KCND2: variants seen among roughly 807,000 people sequenced by gnomAD.
KCND2 encodes the protein potassium voltage-gated channel subfamily D member 2, also known as A-type voltage-gated potassium channel KCND2.
Under a neutral mutation model 54.4 loss-of-function variants are expected in KCND2, and 16 were observed. The observed-to-expected ratio is 0.29, with a 90% CI of 0.20 to 0.45. KCND2 has a LOEUF of 0.45. KCND2 is among the 20% of genes least tolerant of loss of function. KCND2 has a pLI of 1.00. For synonymous variants in KCND2, 317 were observed against 310.7 expected (o/e 1.02, Z -0.21); for missense variants, 486 against 824.2 (o/e 0.59, Z 5.02).
intron 1 of KCND2, among the ~76,000 whole-genome samples, chr7:120,462,470 A>G (rs1207725020): frequency 6.6e-6 from 1 of 152,084 alleles, no homozygotes; most frequent in African/African-American, 2.4e-5. Context: ...AGCATATTAA[A>G]GAGCACAGAT....
At chr7:120,520,773 G>A (rs1791681425) in intron 1 of KCND2, among the ~76,000 whole-genome samples, 1 of 152,084 alleles carries the variant, frequency 6.6e-6, no homozygotes, top group African/African-American at 2.4e-5. Flanking sequence ...CATTAGCTAA[G>A]GTAATCCTAG....
chr7:120,658,340 C>G (rs1461769756), intron 1 of KCND2, among the ~76,000 whole-genome samples: 2 of 152,084 alleles, frequency 1.3e-5, no homozygotes, highest in African/African-American at 4.8e-5. Flanking sequence ...GAATAAGCCC[C>G]AAAACATGAA....
chr7:120,653,438 T>C (rs572679739), intron 1 of KCND2, among the ~76,000 whole-genome samples: 2 of 152,164 alleles, frequency 1.3e-5, no homozygotes, highest in Non-Finnish European at 2.9e-5. Flanking sequence ...TCTGGGACTT[T>C]GATAAACGGC....
intron 1 of KCND2, among the ~76,000 whole-genome samples, chr7:120,399,510 C>T (rs1327078813): frequency 1.3e-5 from 2 of 151,898 alleles, no homozygotes; most frequent in Non-Finnish European, 2.9e-5. Context: ...TAACTTCTCT[C>T]TATATAGTAT....
chr7:120,475,254 A>G (rs1359336568), intron 1 of KCND2, among the ~76,000 whole-genome samples: 1 of 152,240 alleles, frequency 6.6e-6, no homozygotes, highest in Non-Finnish European at 1.5e-5. Context: ...AACGTTGAAC[A>G]TAAGCACATA....
chr7:120,339,367 T>C (rs1277113425), intron 1 of KCND2, among the ~76,000 whole-genome samples: 3 of 152,166 alleles, frequency 2.0e-5, no homozygotes, highest in African/African-American at 4.8e-5. Context: ...GCATGCATTG[T>C]TGGATTATAC....
At position 120,716,482 on chromosome 7, in the gene KCND2, C is replaced by T. The variant is rs543810069; in HGVS notation, c.1116-16421C>T. Among the ~76,000 whole-genome samples the T allele has an allele frequency of 3.0e-3, 464 of 152,188 alleles. 2 individuals are homozygous for T. The highest frequency in any genetic ancestry group is 0.011 in the African/African-American group (448 of 41,556). On this transcript the variant is annotated intron_variant, in intron 1 of 5. Coordinates refer to ENST00000331113, the MANE Select transcript of KCND2 (RefSeq NM_012281.3). ...ATCCTCCATTGTGTAGCAGTCAACT[C>T]CTATTTAGTGGTTTGTCTGCTAAGA...
At position 120,664,654 on chromosome 7, in the gene KCND2, A is replaced by G. The variant is rs78932653; in HGVS notation, c.1116-68249A>G. On this transcript the variant is annotated intron_variant, in intron 1 of 5. Transcript: ENST00000331113. ...TGTTATAGGTTTTCAAGCACAAGTA[A>G]AATTATAAGGACATGTGTCAAGGAC... is the stretch of plus-strand genomic sequence containing the variant. Among the ~76,000 whole-genome samples the G allele has an allele frequency of 2.2e-3, 331 of 152,214 alleles. 1 individual carries two copies. Among genetic ancestry groups the G allele is most frequent in the African/African-American group, 7.7e-3 (320 of 41,552 alleles).
chr7:120,287,874 A>G (rs562336920), intron 1 of KCND2, among the ~76,000 whole-genome samples: 52 of 152,248 alleles, frequency 3.4e-4, no homozygotes, highest in African/African-American at 1.2e-3. Flanking sequence ...ACTATGATCT[A>G]CTAGCTAAAG....
rs546219819 is a variant in KCND2 at position 120,711,489 on chromosome 7, C to A, written c.1116-21414C>A. Among the ~76,000 whole-genome samples the A allele has an allele frequency of 9.2e-5, 14 of 151,998 alleles. 1 individual carries two copies. Among genetic ancestry groups the A allele is most frequent in the South Asian group, 2.1e-4 (1 of 4,822 alleles). ...TCAAACTTAAGAAATTCTAGAGGCC[C>A]ACGTTGAAAGATAATATATTCCCTT... On this transcript the variant is annotated intron_variant, in intron 1 of 5. Coordinates refer to ENST00000331113, the MANE Select transcript of KCND2 (RefSeq NM_012281.3).
intron 1 of KCND2, among the ~76,000 whole-genome samples, chr7:120,540,791 C>G (rs969110463): frequency 6.6e-6 from 1 of 151,890 alleles, no homozygotes; most frequent in Admixed American, 6.6e-5. Context: ...TGACTGGTTT[C>G]TTTGAATAGG....
chr7:120,659,849 G>C (rs1791844863), intron 1 of KCND2, among the ~76,000 whole-genome samples: 1 of 152,164 alleles, frequency 6.6e-6, no homozygotes. Context: ...TGTAATTAGT[G>C]TGTTTAGTTG....
intron 1 of KCND2, among the ~76,000 whole-genome samples, chr7:120,351,402 A>ACTCTCT (rs1319611008): frequency 7.2e-6 from 1 of 138,714 alleles, no homozygotes; most frequent in African/African-American, 3.0e-5. Flanking sequence ...ACACACACAC[A>ACTCTCT]CACACACACA....
chr7:120,406,445 C>T (rs1208347650), intron 1 of KCND2, among the ~76,000 whole-genome samples: 1 of 151,940 alleles, frequency 6.6e-6, no homozygotes, highest in Non-Finnish European at 1.5e-5. Context: ...TTAGGGTGTG[C>T]TTCCAATACT....
intron 2 of KCND2, among the ~76,000 whole-genome samples, chr7:120,736,942 TAGAA>T (rs1219381235): frequency 6.6e-6 from 1 of 151,458 alleles, no homozygotes; most frequent in East Asian, 1.9e-4. Context: ...CACATTGACT[TAGAA>T]AGACACTACC....
chr7:120,592,750 G>C (rs1433792570), intron 1 of KCND2, among the ~76,000 whole-genome samples: 1 of 152,136 alleles, frequency 6.6e-6, no homozygotes, highest in Non-Finnish European at 1.5e-5. Flanking sequence ...AGATTGTAAA[G>C]ACTAGTAAAT....
At chr7:120,459,231 C>T (rs1371445278) in intron 1 of KCND2, among the ~76,000 whole-genome samples, 2 of 152,068 alleles carry the variant, frequency 1.3e-5, no homozygotes, top group African/African-American at 4.8e-5. Context: ...GCTCCCTTGC[C>T]GTTCTTCCGA....
intron 1 of KCND2, among the ~76,000 whole-genome samples, chr7:120,595,612 T>C (rs951627240): frequency 1.6e-4 from 23 of 142,536 alleles, no homozygotes; most frequent in African/African-American, 5.0e-4. Flanking sequence ...TATATATATA[T>C]ACACCAGAAC....
At chr7:120,375,382 T>G (rs1800822042) in intron 1 of KCND2, among the ~76,000 whole-genome samples, 1 of 151,852 alleles carries the variant, frequency 6.6e-6, no homozygotes, top group Non-Finnish European at 1.5e-5. Flanking sequence ...CTCCTTTCAG[T>G]CTCCTCTGTG....
Sources: allele counts gnomAD v4.1 joint callset (sites outside exome capture counted in the v4.1 genomes callset), GRCh38; gene constraint gnomAD v4.1.1; transcripts MANE v1.5; gene names NCBI Gene and HGNC (gene_info 2026-07-23, HGNC 2026-07-21).